GABRA3: variants seen among roughly 807,000 people sequenced by gnomAD.
GABRA3 encodes the protein gamma-aminobutyric acid type A receptor subunit alpha3, also known as gamma-aminobutyric acid receptor subunit alpha-3.
GABRA3 carries 10 observed loss-of-function variants against 30.1 expected under a neutral mutation model. The ratio of observed to expected loss-of-function variants is 0.33; its 90% CI spans 0.20 to 0.56. The LOEUF (loss-of-function observed/expected upper bound fraction) is 0.56, where lower values mean the gene tolerates loss of function less well. Ranked by LOEUF, GABRA3 falls within the 20% of genes least tolerant of loss-of-function variation. The pLI, the probability that GABRA3 is intolerant of heterozygous loss-of-function variation, is 0.89. For missense variants in GABRA3, 233 were observed against 392.0 expected, an observed-to-expected ratio of 0.59 and a Z score of 3.42; for synonymous variants, 151 against 146.8, an observed-to-expected ratio of 1.03 and a Z score of -0.21.
chrX:152,229,247 T>C (rs755122942), intron 5 of GABRA3, among the ~76,000 whole-genome samples: 92 of 111,395 alleles, frequency 8.3e-4, no homozygotes, highest in Non-Finnish European at 1.5e-3. Context: ...CATAGAACTA[T>C]AGTCGCAATA....
intron 1 of GABRA3, among the ~76,000 whole-genome samples, chrX:152,403,267 T>TAATAAATAAA (rs1929838891): frequency 9.0e-6 from 1 of 111,006 alleles, no homozygotes; most frequent in Admixed American, 9.6e-5. Context: ...GATGGACAAA[T>TAATAAATAAA]AATAAATAAA....
chrX:152,244,262 T>C (rs1938426623), intron 5 of GABRA3, among the ~76,000 whole-genome samples: 1 of 112,104 alleles, frequency 8.9e-6, no homozygotes, highest in South Asian at 3.7e-4. Context: ...GTTACATCCA[T>C]GTCTTCAGTG....
intron 9 of GABRA3, among the ~76,000 whole-genome samples, chrX:152,174,951 C>T (rs1181087605): frequency 1.8e-5 from 2 of 111,895 alleles, no homozygotes; most frequent in Non-Finnish European, 3.8e-5. Flanking sequence ...TTTAATCCAT[C>T]TTGAATTAAT....
chrX:152,231,270 C>T (rs772839240), intron 5 of GABRA3, among the ~76,000 whole-genome samples: 1 of 100,075 alleles, frequency 1.0e-5, no homozygotes, highest in Non-Finnish European at 2.1e-5. Flanking sequence ...TATATATACA[C>T]GTATATATGT....
chrX:152,364,667 G>A, intron 1 of GABRA3, 71 bp from the exon 2 acceptor site: 3 of 794,770 alleles, frequency 3.8e-6, no homozygotes, highest in Non-Finnish European at 3.5e-6. Flanking sequence ...AGGAGAAAGA[G>A]GTAAAAAAGA....
intron 9 of GABRA3, among the ~76,000 whole-genome samples, chrX:152,182,313 A>G (rs1182084142): frequency 1.2e-5 from 1 of 80,509 alleles, no homozygotes; most frequent in Non-Finnish European, 2.2e-5. Context: ...ATATATATAT[A>G]CACACACACA....
intron 3 of GABRA3, among the ~76,000 whole-genome samples, chrX:152,302,653 T>C (rs1471454187): frequency 9.0e-6 from 1 of 110,917 alleles, no homozygotes. Flanking sequence ...ACGCTGAGGC[T>C]TGGGGTACTA....
chrX:152,252,031 C>G (rs1664039075), intron 5 of GABRA3, among the ~76,000 whole-genome samples: 1 of 111,345 alleles, frequency 9.0e-6, no homozygotes. Context: ...TATCTTCTAT[C>G]TTTGTCTTCC....
Position 152,186,206 on chromosome X carries a change from G to GTTTATTTA in GABRA3, c.1143+3516_1143+3523dup, listed in dbSNP as rs201169733. Among the ~76,000 whole-genome samples, 142 of 109,505 alleles carry GTTTATTTA rather than the reference G, an allele frequency of 1.3e-3. 3 individuals carry two copies. Among genetic ancestry groups the GTTTATTTA allele is most frequent in the Admixed American group, 1.4e-3 (14 of 9,993 alleles). On this transcript the variant is annotated intron_variant, in intron 9 of 9. Coordinates refer to ENST00000370314, the MANE Select transcript of GABRA3 (RefSeq NM_000808.4). ...AGTCCATCAGTCAATTTATTTAATT[G>GTTTATTTA]TTTATTTATTTATTTATTTATTTAT...
chrX:152,179,776 A>T (rs898341491), intron 9 of GABRA3, among the ~76,000 whole-genome samples: 1 of 110,988 alleles, frequency 9.0e-6, no homozygotes, highest in African/African-American at 3.3e-5. Flanking sequence ...TTAGAGTTCA[A>T]CTTTTTTAGA....
intron 8 of GABRA3, among the ~76,000 whole-genome samples, chrX:152,191,236 A>G (rs1937321916): frequency 9.0e-6 from 1 of 110,800 alleles, no homozygotes; most frequent in Non-Finnish European, 1.9e-5. Context: ...TATAAGTATA[A>G]TCAATGTTAA....
At chrX:152,447,560 T>C (rs1602736311) in intron 1 of GABRA3, among the ~76,000 whole-genome samples, 1 of 112,269 alleles carries the variant, frequency 8.9e-6, no homozygotes, top group South Asian at 3.7e-4. Flanking sequence ...CTATGTCATA[T>C]ACTAGGCTAA....
intron 2 of GABRA3, among the ~76,000 whole-genome samples, chrX:152,356,551 C>G (rs958347939): frequency 9.0e-6 from 1 of 111,362 alleles, no homozygotes; most frequent in Admixed American, 9.6e-5. Context: ...AATATTTGTG[C>G]TTTTTATGAT....
chrX:152,416,786 G>A (rs75987055), intron 1 of GABRA3, among the ~76,000 whole-genome samples: 1 of 109,909 alleles, frequency 9.1e-6, no homozygotes. Context: ...AGGATTCCCT[G>A]TTTAATAAAT....
intron 2 of GABRA3, among the ~76,000 whole-genome samples, chrX:152,356,171 G>A (rs1019477339): frequency 1.8e-5 from 2 of 111,801 alleles, no homozygotes; most frequent in Non-Finnish European, 3.8e-5. Flanking sequence ...ATCATCTGGG[G>A]CATTTTAGGC....
intron 3 of GABRA3, among the ~76,000 whole-genome samples, chrX:152,313,752 G>T (rs965639299): frequency 1.8e-5 from 2 of 111,789 alleles, no homozygotes; most frequent in African/African-American, 6.5e-5. Flanking sequence ...AGATATATTT[G>T]CATCAGTAGA....
chrX:152,346,497 C>T (rs138687290), intron 2 of GABRA3, among the ~76,000 whole-genome samples: 361 of 111,611 alleles, frequency 3.2e-3, no homozygotes, highest in African/African-American at 0.011. Flanking sequence ...AATGGGATCA[C>T]ATCAAATTAC....
At chrX:152,276,228 T>C (rs1939082470) in intron 4 of GABRA3, among the ~76,000 whole-genome samples, 1 of 111,936 alleles carries the variant, frequency 8.9e-6, no homozygotes, top group Non-Finnish European at 1.9e-5. Context: ...AGCCATCTTG[T>C]CTTTAGTATG....
At chrX:152,351,734 A>T (rs1442644428) in intron 2 of GABRA3, among the ~76,000 whole-genome samples, 1 of 111,976 alleles carries the variant, frequency 8.9e-6, no homozygotes, top group Admixed American at 9.6e-5. Flanking sequence ...CTTTTAGAGT[A>T]TCTCAACTTT....
Sources: gnomAD v4.1 joint callset for allele counts (sites outside exome capture counted in the v4.1 genomes callset) on GRCh38, gnomAD v4.1.1 for gene constraint, MANE v1.5 for transcripts, NCBI Gene and HGNC (gene_info 2026-07-23, HGNC 2026-07-21) for gene names.